The following NLGN1 variants were observed in gnomAD, a reference collection of about 807,000 sequenced individuals.
The protein encoded by NLGN1 is neuroligin-1.
NLGN1 carries 12 observed loss-of-function variants against 65.5 expected under a neutral mutation model. That is an observed-to-expected ratio of 0.18 (90% confidence interval 0.12 to 0.30). The LOEUF is 0.30. Among genes scored for constraint, NLGN1 ranks in the 10% least tolerant of loss-of-function variants. The pLI, the probability that NLGN1 is intolerant of heterozygous loss-of-function variation, is 1.00. For synonymous variants in NLGN1, 350 were observed against 359.5 expected (o/e 0.97, Z 0.30); for missense variants, 750 against 1,007.1 (o/e 0.74, Z 3.46).
At chr3:174,212,734 T>A (rs1022612658) in intron 4 of NLGN1, among the ~76,000 whole-genome samples, 6 of 152,346 alleles carry the variant, frequency 3.9e-5, no homozygotes, top group African/African-American at 1.4e-4. Context: ...TTTATTACAA[T>A]TGCACATGTC....
intron 4 of NLGN1, among the ~76,000 whole-genome samples, chr3:174,215,129 C>T (rs951649179): frequency 1.3e-5 from 2 of 152,002 alleles, no homozygotes; most frequent in African/African-American, 4.8e-5. Context: ...GAGTTTTTCT[C>T]GGTTGGGTTA....
rs560315570 is a variant in NLGN1 at position 174,191,460 on chromosome 3, G to A, written c.647-83855G>A. The stretch of plus-strand genomic sequence containing the variant: ...CACAGCTAATAAGCAAAAGACAAAC[G>A]AGCAAAGCTATATTTGCTACACTGT... On this transcript the variant is annotated intron_variant, in intron 4 of 6. Coordinates refer to ENST00000457714, the Ensembl canonical transcript of NLGN1. Among the ~76,000 whole-genome samples, 3 of 152,226 alleles carry A rather than the reference G, an allele frequency of 2.0e-5. No homozygotes were observed. In the South Asian group the frequency reaches 6.2e-4, roughly 32 times the overall value.
chr3:173,893,100 C>G (rs1232448603), intron 4 of NLGN1, among the ~76,000 whole-genome samples: 1 of 152,124 alleles, frequency 6.6e-6, no homozygotes, highest in Non-Finnish European at 1.5e-5. Flanking sequence ...CGCAGAAAAT[C>G]AGGGGCCCTC....
At chr3:173,532,114 T>C (rs575575296) in intron 2 of NLGN1, among the ~76,000 whole-genome samples, 22 of 152,338 alleles carry the variant, frequency 1.4e-4, no homozygotes, top group Non-Finnish European at 3.2e-4. Context: ...TCACTAATAA[T>C]CATTTCTTGT....
intron 3 of NLGN1, among the ~76,000 whole-genome samples, chr3:173,688,684 T>G (rs983232440): frequency 6.6e-6 from 1 of 152,198 alleles, no homozygotes; most frequent in Non-Finnish European, 1.5e-5. Context: ...ATAAGAAAAC[T>G]AATCTTGCTT....
chr3:174,176,838 C>G (rs1045620690), intron 4 of NLGN1, among the ~76,000 whole-genome samples: 1 of 151,972 alleles, frequency 6.6e-6, no homozygotes, highest in Non-Finnish European at 1.5e-5. Flanking sequence ...ATATTCATTA[C>G]ATATGGGTAA....
chr3:174,034,209 C>A (rs1343376059), intron 4 of NLGN1, among the ~76,000 whole-genome samples: 4 of 151,988 alleles, frequency 2.6e-5, no homozygotes, highest in Admixed American at 2.6e-4. Context: ...GAATTATATA[C>A]CTAGCAAAAT....
At chr3:174,004,664 A>G (rs16832581) in intron 4 of NLGN1, among the ~76,000 whole-genome samples, 2,792 of 152,278 alleles carry the variant, frequency 0.018, 66 homozygotes, top group African/African-American at 0.062. Context: ...GAATGCAAAG[A>G]TGATAATTTG....
chr3:173,977,355 C>T (rs187039402), intron 4 of NLGN1, among the ~76,000 whole-genome samples: 21 of 151,942 alleles, frequency 1.4e-4, no homozygotes, highest in Admixed American at 2.0e-4. Flanking sequence ...CGTGCATAAA[C>T]ACTGTAATGT....
intron 3 of NLGN1, among the ~76,000 whole-genome samples, chr3:173,630,921 C>G (rs1441957216): frequency 6.6e-6 from 1 of 152,074 alleles, no homozygotes; most frequent in Non-Finnish European, 1.5e-5. Flanking sequence ...AGTACAAAAT[C>G]AAAAGCATCT....
At chr3:173,544,603 G>T (rs965731396) in intron 2 of NLGN1, among the ~76,000 whole-genome samples, 1 of 152,136 alleles carries the variant, frequency 6.6e-6, no homozygotes, top group South Asian at 2.1e-4. Flanking sequence ...GAGATACATT[G>T]AGTTTGAATG....
intron 4 of NLGN1, among the ~76,000 whole-genome samples, chr3:174,189,249 G>A (rs1484716399): frequency 2.0e-5 from 3 of 151,966 alleles, no homozygotes; most frequent in Admixed American, 6.6e-5. Context: ...GCAGAGCAAA[G>A]TATACTCTTA....
intron 3 of NLGN1, among the ~76,000 whole-genome samples, chr3:173,717,401 TATTGG>T (rs1201528998): frequency 6.6e-6 from 1 of 152,184 alleles, no homozygotes; most frequent in Admixed American, 6.6e-5. Flanking sequence ...AACCAGTTAA[TATTGG>T]GAGTGCATAA....
In NLGN1 at chr3:173,940,080, C is replaced by CTTTTTTTTTTTTTTTTTTTTT. The variant is rs531013909; in HGVS notation, c.646+132253_646+132273dup. On this transcript the variant is annotated intron_variant, in intron 4 of 6. Transcript: ENST00000457714. ...AAATTTTACACTCAAATAGTTATAG[C>CTTTTTTTTTTTTTTTTTTTTT]TTTTTTTTTTTTTTTTTTTTTTTTT... 3.0e-4 allele frequency among the ~76,000 whole-genome samples: 23 copies of CTTTTTTTTTTTTTTTTTTTTT among 75,432 alleles called. 1 individual carries two copies. Among genetic ancestry groups the CTTTTTTTTTTTTTTTTTTTTT allele is most frequent in the Non-Finnish European group, 3.7e-4 (16 of 43,614 alleles). 49.5% of individuals were successfully genotyped at this position (75,432 alleles called of 152,430 possible).
intron 4 of NLGN1, among the ~76,000 whole-genome samples, chr3:173,986,032 G>A (rs1719811914): frequency 6.6e-6 from 1 of 152,168 alleles, no homozygotes; most frequent in Non-Finnish European, 1.5e-5. Flanking sequence ...AGACTCACAT[G>A]TTGTAATCCT....
chr3:173,579,409 T>C (rs1273811610), intron 2 of NLGN1, among the ~76,000 whole-genome samples: 1 of 152,198 alleles, frequency 6.6e-6, no homozygotes, highest in Non-Finnish European at 1.5e-5. Flanking sequence ...CCGGGGAGTT[T>C]GAGGCCGCAG....
chr3:173,817,739 G>A (rs896977907), intron 4 of NLGN1, among the ~76,000 whole-genome samples: 4 of 152,064 alleles, frequency 2.6e-5, no homozygotes, highest in African/African-American at 9.7e-5. Context: ...TAATCATGAT[G>A]CCTCCTTATT....
intron 4 of NLGN1, among the ~76,000 whole-genome samples, chr3:174,086,658 A>T (rs1044655280): frequency 1.2e-4 from 18 of 151,908 alleles, no homozygotes; most frequent in Non-Finnish European, 1.6e-4. Flanking sequence ...TTGTGGTGAA[A>T]TTTATGGAAT....
intron 2 of NLGN1, among the ~76,000 whole-genome samples, chr3:173,502,120 A>T (rs1219895960): frequency 1.3e-5 from 2 of 152,124 alleles, no homozygotes. Flanking sequence ...AAATATTTTT[A>T]CAAGAGTAGA....
Sources: allele counts gnomAD v4.1 joint callset (sites outside exome capture counted in the v4.1 genomes callset), GRCh38; gene constraint gnomAD v4.1.1; transcripts MANE v1.5; gene names NCBI Gene and HGNC (gene_info 2026-07-23, HGNC 2026-07-21).